Variants in NBAS observed in about 807,000 individuals in gnomAD.
The protein encoded by NBAS is NAG/BC035112 fusion.
A neutral mutation model predicts 302.5 loss-of-function variants in NBAS; 219 were observed. The ratio of observed to expected loss-of-function variants is 0.72; its 90% CI spans 0.65 to 0.81. The LOEUF (loss-of-function observed/expected upper bound fraction) is 0.81, where lower values mean the gene tolerates loss of function less well. NBAS is among the 30% of genes least tolerant of loss of function. The pLI, the probability that NBAS is intolerant of heterozygous loss-of-function variation, is 0.00. For missense variants in NBAS, 2,932 were observed against 2,841.6 expected, an observed-to-expected ratio of 1.03 and a Z score of -0.72; for synonymous variants, 1,118 against 1,021.6, an observed-to-expected ratio of 1.09 and a Z score of -1.80.
At chr2:15,174,361 TG>T (rs1461867782) in intron 51 of NBAS, among the ~76,000 whole-genome samples, 4 of 152,200 alleles carry the variant, frequency 2.6e-5, no homozygotes, top group Non-Finnish European at 5.9e-5. Flanking sequence ...TTATCAAATA[TG>T]TGAAGGACTG....
intron 41 of NBAS, among the ~76,000 whole-genome samples, chr2:15,289,822 C>G (rs771803600): frequency 1.3e-5 from 2 of 152,150 alleles, no homozygotes; most frequent in South Asian, 2.1e-4. Flanking sequence ...ACGGTGAAAC[C>G]CTGTCTCTAC....
the NBAS span, among the ~76,000 whole-genome samples, chr2:14,875,330 C>T: frequency 6.6e-6 from 1 of 152,058 alleles, no homozygotes; most frequent in Non-Finnish European, 1.5e-5. Flanking sequence ...AGTAAAAATA[C>T]ATTTCAGGGC....
chr2:15,134,574 G>A, the NBAS span, among the ~76,000 whole-genome samples: 562 of 152,242 alleles, frequency 3.7e-3, 7 homozygotes, highest in African/African-American at 0.012. Flanking sequence ...TGCCCAGAAA[G>A]GAAAGATCTT....
At chr2:15,398,008 G>A (rs532034046) in intron 26 of NBAS, among the ~76,000 whole-genome samples, 56 of 152,304 alleles carry the variant, frequency 3.7e-4, no homozygotes, top group African/African-American at 1.3e-3. Context: ...TTGGACAGGA[G>A]TGATGAGTGG....
intron 25 of NBAS, among the ~76,000 whole-genome samples, chr2:15,412,467 G>A (rs530072197): frequency 1.1e-4 from 17 of 152,274 alleles, no homozygotes; most frequent in Non-Finnish European, 1.9e-4. Flanking sequence ...GTTCGCAGTC[G>A]TAAGCTACTA....
At chr2:14,788,601 G>A in the NBAS span, among the ~76,000 whole-genome samples, 1 of 152,174 alleles carries the variant, frequency 6.6e-6, no homozygotes, top group African/African-American at 2.4e-5. Context: ...GACCCTGTTT[G>A]CCTGGCCACA....
chr2:15,024,539 C>T, the NBAS span, among the ~76,000 whole-genome samples: 1 of 152,106 alleles, frequency 6.6e-6, no homozygotes, highest in Non-Finnish European at 1.5e-5. Flanking sequence ...TGAGGAATGG[C>T]CACATTGCTT....
chr2:14,896,010 A>AAT, the NBAS span, among the ~76,000 whole-genome samples: 1 of 151,768 alleles, frequency 6.6e-6, no homozygotes, highest in Non-Finnish European at 1.5e-5. Context: ...AAGGGGAAAA[A>AAT]AAAACGAAGA....
chr2:15,158,416 A>G, the NBAS span, among the ~76,000 whole-genome samples: 1 of 152,228 alleles, frequency 6.6e-6, no homozygotes, highest in African/African-American at 2.4e-5. Context: ...GCCTGGGGTT[A>G]CACAGCCAGT....
intron 42 of NBAS, 65 bp downstream of exon 42, chr2:15,287,008 A>T: frequency 1.5e-6 from 2 of 1,293,942 alleles, no homozygotes; most frequent in Non-Finnish European, 2.3e-6. Context: ...CTTCTTCAAG[A>T]GTCTTCAAAA....
the NBAS span, among the ~76,000 whole-genome samples, chr2:14,783,982 G>C: frequency 6.6e-6 from 1 of 151,922 alleles, no homozygotes; most frequent in East Asian, 1.9e-4. Context: ...TCCAGCACCT[G>C]TTGTTTCCTG....
At chr2:15,437,029 C>T (rs970318391) in intron 21 of NBAS, among the ~76,000 whole-genome samples, 2 of 152,092 alleles carry the variant, frequency 1.3e-5, no homozygotes, top group South Asian at 2.1e-4. Flanking sequence ...GCAAAAGATT[C>T]GGAACATGTA....
the NBAS span, among the ~76,000 whole-genome samples, chr2:14,990,753 C>T: frequency 6.6e-6 from 1 of 152,140 alleles, no homozygotes; most frequent in South Asian, 2.1e-4. Context: ...GTGCACTCCA[C>T]CACAGCCAGC....
At chr2:15,212,064 C>A (rs1666437132) in intron 48 of NBAS, among the ~76,000 whole-genome samples, 1 of 152,174 alleles carries the variant, frequency 6.6e-6, no homozygotes, top group Admixed American at 6.5e-5. Context: ...AAATCAGAGG[C>A]AAAATAAGTT....
At chr2:15,127,909 C>T in the NBAS span, among the ~76,000 whole-genome samples, 60 of 152,210 alleles carry the variant, frequency 3.9e-4, no homozygotes, top group Non-Finnish European at 6.3e-4. Context: ...TAGGGCGACT[C>T]GATGAGGTAT....
chr2:15,379,629 A>C lies in NBAS; in HGVS notation c.3563T>G (p.Leu1188Arg). ...SREYFNSSTN[L>R]TDSCMDLARC... Reference sequence around the variant, plus strand: ...GGCTAGATCCATGCAGCTATCAGTGAGGTTGGTAGAAGAATTGAAGTACTC... The same window carrying C: ...GGCTAGATCCATGCAGCTATCAGTGCGGTTGGTAGAAGAATTGAAGTACTC... Residue 1188 changes from leucine (L) to arginine (R), a missense_variant, in exon 30 of 52, where the codon CTC (leucine) becomes CGC (arginine). By Grantham distance (102) the Leu-to-Arg change is moderately radical. Coordinates refer to ENST00000281513, the MANE Select transcript of NBAS (RefSeq NM_015909.4). 1.9e-6 allele frequency: 3 copies of C among 1,613,894 alleles called. No individual in the cohort carries two copies. Among genetic ancestry groups the C allele is most frequent in the Non-Finnish European group, 2.5e-6 (3 of 1,179,950 alleles).
At chr2:14,957,019 T>A in the NBAS span, among the ~76,000 whole-genome samples, 1 of 152,144 alleles carries the variant, frequency 6.6e-6, no homozygotes, top group Non-Finnish European at 1.5e-5. Flanking sequence ...GGTGTCCTTA[T>A]ACAAAGTGGC....
intron 9 of NBAS, among the ~76,000 whole-genome samples, chr2:15,519,486 G>GT (rs113848259): frequency 2.3e-3 from 55 of 24,144 alleles, no homozygotes; most frequent in Admixed American, 0.021. Context: ...ACCCAAGCTG[G>GT]AGTGCAATGG....
chr2:15,267,476 T>G (rs1669131059), intron 44 of NBAS, among the ~76,000 whole-genome samples: 1 of 152,222 alleles, frequency 6.6e-6, no homozygotes, highest in Admixed American at 6.5e-5. Context: ...GAGTTCAGTA[T>G]GATTATAGAT....
Sources: allele counts gnomAD v4.1 joint callset (sites outside exome capture counted in the v4.1 genomes callset), GRCh38; gene constraint gnomAD v4.1.1; transcripts MANE v1.5; gene names NCBI Gene and HGNC (gene_info 2026-07-23, HGNC 2026-07-21).